RAPGEF4: variants seen among roughly 807,000 people sequenced by gnomAD.
RAPGEF4 encodes RAP guanine-nucleotide-exchange factor (GEF) 4.
Under a neutral mutation model 147.9 loss-of-function variants are expected in RAPGEF4, and 66 were observed. The observed-to-expected ratio is 0.45, with a 90% CI of 0.37 to 0.55. RAPGEF4 has a LOEUF of 0.55. Among genes scored for constraint, RAPGEF4 ranks in the 20% least tolerant of loss-of-function variants. The pLI is 0.00. For synonymous variants in RAPGEF4, 419 were observed against 442.7 expected (o/e 0.95, Z 0.67); for missense variants, 1,071 against 1,257.3 (o/e 0.85, Z 2.24).
At chr2:173,025,402 G>A (rs1696561644) in intron 23 of RAPGEF4, among the ~76,000 whole-genome samples, 1 of 152,164 alleles carries the variant, frequency 6.6e-6, no homozygotes, top group African/African-American at 2.4e-5. Flanking sequence ...GACATGGATA[G>A]TATCTAAATA....
intron 17 of RAPGEF4, among the ~76,000 whole-genome samples, chr2:173,011,138 C>A (rs1694958696): frequency 6.7e-6 from 1 of 148,580 alleles, no homozygotes; most frequent in Non-Finnish European, 1.5e-5. Flanking sequence ...GCTGAATCAG[C>A]TGCGGGAACC....
chr2:172,925,008 C>T (rs1425852808), intron 6 of RAPGEF4, among the ~76,000 whole-genome samples: 2 of 152,152 alleles, frequency 1.3e-5, no homozygotes, highest in Non-Finnish European at 2.9e-5. Context: ...AGTGCAGTGG[C>T]ATGATCTTGG....
chr2:172,927,508 T>C (rs756140666), intron 6 of RAPGEF4, among the ~76,000 whole-genome samples: 32 of 152,166 alleles, frequency 2.1e-4, no homozygotes, highest in Non-Finnish European at 4.1e-4. Flanking sequence ...TGATGGCTCA[T>C]GCCAGTAATC....
chr2:172,875,885 T>C (rs1441501681), intron 4 of RAPGEF4, among the ~76,000 whole-genome samples: 1 of 152,226 alleles, frequency 6.6e-6, no homozygotes, highest in African/African-American at 2.4e-5. Flanking sequence ...GAGCATGGAA[T>C]GTTCTTCCAT....
At chr2:172,846,297 A>C (rs889621203) in intron 4 of RAPGEF4, among the ~76,000 whole-genome samples, 1 of 152,154 alleles carries the variant, frequency 6.6e-6, no homozygotes. Context: ...AGTCTCTATC[A>C]ATTAGCCTTT....
At chr2:173,035,313 T>C (rs1326450962) in intron 27 of RAPGEF4, among the ~76,000 whole-genome samples, 2 of 151,722 alleles carry the variant, frequency 1.3e-5, no homozygotes, top group Non-Finnish European at 2.9e-5. Flanking sequence ...TCAAGACCAT[T>C]CTGGCTAACA....
At chr2:172,794,883 A>C in intron 1 of RAPGEF4, 142 bp from the exon 2 acceptor site, 1 of 849,048 alleles carries the variant, frequency 1.2e-6, no homozygotes. Context: ...AATACCTATA[A>C]GGGGGTGGAT....
At chr2:172,961,997 T>C (rs1345854498) in intron 8 of RAPGEF4, among the ~76,000 whole-genome samples, 1 of 152,204 alleles carries the variant, frequency 6.6e-6, no homozygotes, top group African/African-American at 2.4e-5. Context: ...TCACTGGAGT[T>C]AAGAAATGAC....
At chr2:172,781,216 G>A (rs1684648080) in intron 1 of RAPGEF4, among the ~76,000 whole-genome samples, 1 of 152,130 alleles carries the variant, frequency 6.6e-6, no homozygotes, top group African/African-American at 2.4e-5. Flanking sequence ...ATTTAGAAAG[G>A]AAAATTTTAC....
chr2:172,842,430 A>G (rs1313563504), intron 4 of RAPGEF4, among the ~76,000 whole-genome samples: 1 of 152,202 alleles, frequency 6.6e-6, no homozygotes, highest in Non-Finnish European at 1.5e-5. Context: ...TGAAACAACA[A>G]CACCTCTTAA....
chr2:172,913,693 G>A (rs752259519), intron 4 of RAPGEF4, among the ~76,000 whole-genome samples: 13 of 151,802 alleles, frequency 8.6e-5, no homozygotes, highest in Non-Finnish European at 1.8e-4. Flanking sequence ...TTTTTGTTTT[G>A]TTTGTTTGCT....
In RAPGEF4 at chr2:172,962,056, T is replaced by C. The variant is rs139290045; in HGVS notation, c.698+828T>C. ...GGTTAGCTGAACCTTCTGGGATGAC[T>C]GAACCATGGTGGGCCAGTTAAGAAC... On this transcript the variant is annotated intron_variant, in intron 8 of 30. Transcript: ENST00000397081. 6.0e-4 allele frequency among the ~76,000 whole-genome samples: 91 copies of C among 152,320 alleles called. No individual in the cohort carries two copies. In the East Asian group the frequency reaches 0.016, roughly 26 times the overall value.
chr2:173,036,661 T>C lies in RAPGEF4; in HGVS notation c.2822T>C (p.Phe941Ser). ...MTFTHEGNKT[F>S]IDNLVNFEKM... ...TTTACTCATGAGGGGAACAAGACGT[T>C]CATTGACAATCTAGTAAACTTTGAA... The change falls in exon 29 of 31, where the codon TTC becomes TCC. Residue 941 changes from phenylalanine to serine, a missense_variant. Phe to Ser is a radical substitution (Grantham distance 155, BLOSUM62 -2). Transcript: ENST00000397081. 2.5e-6 allele frequency: 4 copies of C among 1,611,826 alleles called. No individual in the cohort carries two copies. The highest frequency in any genetic ancestry group is 2.5e-6 in the Non-Finnish European group (3 of 1,178,338).
In RAPGEF4 at chr2:172,844,472, C is replaced by T. The variant is rs532367796; in HGVS notation, c.444+30047C>T. 1.2e-3 allele frequency among the ~76,000 whole-genome samples: 184 copies of T among 152,298 alleles called. 1 individual carries two copies. Among genetic ancestry groups the T allele is most frequent in the African/African-American group, 4.1e-3 (172 of 41,554 alleles). On this transcript the variant is annotated intron_variant, in intron 4 of 30. Coordinates refer to ENST00000397081, the MANE Select transcript of RAPGEF4 (RefSeq NM_007023.4). ...TCAGGAGAGAAAATGACTTCAGGAC[C>T]TCTTGCATCCTCTCATTTGCCTCCT... is the stretch of plus-strand genomic sequence containing the variant.
chr2:172,842,756 C>A, intron 4 of RAPGEF4, among the ~76,000 whole-genome samples: 1 of 152,196 alleles, frequency 6.6e-6, no homozygotes, highest in Non-Finnish European at 1.5e-5. Context: ...CTGCCACTTT[C>A]GTCATAGTCA....
In RAPGEF4 at chr2:172,960,750, T is replaced by G; in HGVS notation, c.538-10T>G. The G allele has an allele frequency of 6.3e-7, 1 of 1,592,198 alleles. No homozygotes were observed. The highest frequency in any genetic ancestry group is 8.6e-7 in the Non-Finnish European group (1 of 1,167,240). ...TTAATTTTCTTTTGCTTTAACATTT[T>G]ATTTTTCAGACACCTCTCATTGAAC... On this transcript the variant is annotated splice_polypyrimidine_tract_variant and intron_variant, in intron 6 of 30. Transcript: ENST00000397081.
chr2:173,021,453 T>G (rs746005469), intron 23 of RAPGEF4, among the ~76,000 whole-genome samples: 16 of 152,092 alleles, frequency 1.1e-4, no homozygotes, highest in Non-Finnish European at 2.1e-4. Context: ...CCGAGCGTGG[T>G]GGCGGGCGCC....
chr2:172,940,765 G>A (rs547176341), intron 6 of RAPGEF4, among the ~76,000 whole-genome samples: 2 of 152,138 alleles, frequency 1.3e-5, no homozygotes, highest in African/African-American at 4.8e-5. Context: ...CTACAGAATA[G>A]ATTCCTGGGA....
intron 15 of RAPGEF4, among the ~76,000 whole-genome samples, chr2:172,994,831 G>A (rs16861133): frequency 0.076 from 11,637 of 152,218 alleles, 667 homozygotes; most frequent in South Asian, 0.16. Flanking sequence ...TGAGAAAGGG[G>A]TCAGACTTTT....
Sources: gnomAD v4.1 joint callset for allele counts (sites outside exome capture counted in the v4.1 genomes callset) on GRCh38, gnomAD v4.1.1 for gene constraint, MANE v1.5 for transcripts, NCBI Gene and HGNC (gene_info 2026-07-23, HGNC 2026-07-21) for gene names.